The following EGFLAM variants were observed in gnomAD, a reference collection of about 807,000 sequenced individuals.
The protein encoded by EGFLAM is EGF like, fibronectin type III and laminin G domains.
A neutral mutation model predicts 113.1 loss-of-function variants in EGFLAM; 79 were observed. That is an observed-to-expected ratio of 0.70 (90% confidence interval 0.58 to 0.84). EGFLAM has a LOEUF of 0.84. EGFLAM is among the 40% of genes least tolerant of loss of function. The pLI is 0.00. For missense variants in EGFLAM, 1,265 were observed against 1,291.6 expected (o/e 0.98, Z 0.32); for synonymous variants, 504 against 487.6 (o/e 1.03, Z -0.44).
chr5:38,431,793 G>T (rs959807840), intron 15 of EGFLAM, among the ~76,000 whole-genome samples: 1 of 152,086 alleles, frequency 6.6e-6, no homozygotes, highest in Admixed American at 6.5e-5. Flanking sequence ...TTATCAATGG[G>T]GATAATGGTG....
At chr5:38,260,299 T>A (rs1757467557) in intron 1 of EGFLAM, among the ~76,000 whole-genome samples, 1 of 152,254 alleles carries the variant, frequency 6.6e-6, no homozygotes. Flanking sequence ...TCACAATTTT[T>A]AAACAAAGCA....
At chr5:38,345,697 A>C (rs1739456917) in intron 3 of EGFLAM, 1 of 152,206 alleles carries the variant, frequency 6.6e-6, no homozygotes, top group Non-Finnish European at 1.5e-5. Flanking sequence ...AATGAAGTGC[A>C]GGAGAGATAA....
At chr5:38,446,008 G>A (rs574801653) in intron 17 of EGFLAM, among the ~76,000 whole-genome samples, 4 of 152,266 alleles carry the variant, frequency 2.6e-5, no homozygotes, top group Non-Finnish European at 2.9e-5. Context: ...CCACCGCCAC[G>A]GGCCAACAAC....
intron 1 of EGFLAM, among the ~76,000 whole-genome samples, chr5:38,301,423 G>A (rs1434906227): frequency 6.6e-6 from 1 of 152,114 alleles, no homozygotes; most frequent in Non-Finnish European, 1.5e-5. Context: ...AGGTATTTTA[G>A]CAGCATAGTG....
intron 6 of EGFLAM, among the ~76,000 whole-genome samples, chr5:38,389,699 A>G (rs62353641): frequency 6.2e-4 from 95 of 152,010 alleles, no homozygotes; most frequent in Admixed American, 2.3e-3. Context: ...TTTCATTCAT[A>G]TTTTTGTTTC....
In EGFLAM at chr5:38,407,005, G is replaced by A; in HGVS notation, c.1006G>A (p.Val336Met). 6.2e-7 allele frequency: 1 copy of A among 1,614,208 alleles called. No individual in the cohort carries two copies. Among genetic ancestry groups the A allele is most frequent in the Non-Finnish European group, 8.5e-7 (1 of 1,180,042 alleles). ...IPIQRKGKNG[V>M]AIMSRLFDMP... ...CATACAGAGAAAGGGGAAGAATGGTGTGGCCATAATGTCAAGGCTCTTTGA... is the reference window on the plus strand; with the variant it reads ...CATACAGAGAAAGGGGAAGAATGGTATGGCCATAATGTCAAGGCTCTTTGA... The change falls in exon 8 of 22, where the codon GTG becomes ATG. Residue 336 changes from valine (V) to methionine (M), a missense_variant. Coordinates refer to ENST00000322350, the MANE Select transcript of EGFLAM (RefSeq NM_152403.4).
intron 6 of EGFLAM, among the ~76,000 whole-genome samples, chr5:38,394,083 A>G (rs1740888745): frequency 6.6e-6 from 1 of 151,860 alleles, no homozygotes; most frequent in South Asian, 2.1e-4. Context: ...CTATCTATCC[A>G]TCTATTTGTA....
At chr5:38,384,508 T>G (rs1352102666) in intron 6 of EGFLAM, among the ~76,000 whole-genome samples, 1 of 152,158 alleles carries the variant, frequency 6.6e-6, no homozygotes, top group East Asian at 1.9e-4. Context: ...CTGAGCTATT[T>G]CCTTATATAA....
chr5:38,431,317 G>T, intron 15 of EGFLAM, 29 bp downstream of exon 15: 3 of 1,604,146 alleles, frequency 1.9e-6, no homozygotes, highest in Non-Finnish European at 2.6e-6. Context: ...TTCTCTTGAT[G>T]GTTAGTGTGA....
At chr5:38,371,139 T>G (rs1246537330) in intron 6 of EGFLAM, among the ~76,000 whole-genome samples, 2 of 152,190 alleles carry the variant, frequency 1.3e-5, no homozygotes, top group Non-Finnish European at 2.9e-5. Context: ...ATTTTAGACG[T>G]TTTTTGTATT....
chr5:38,376,711 A>G (rs1239319526), intron 6 of EGFLAM, among the ~76,000 whole-genome samples: 1 of 152,138 alleles, frequency 6.6e-6, no homozygotes, highest in East Asian at 1.9e-4. Context: ...TTCTTGAGAC[A>G]GGGTCTTGGA....
At chr5:38,417,412 A>G (rs1387947418) in intron 11 of EGFLAM, among the ~76,000 whole-genome samples, 1 of 151,656 alleles carries the variant, frequency 6.6e-6, no homozygotes, top group African/African-American at 2.4e-5. Context: ...GTCCCATCTA[A>G]TCTTCAGCTC....
chr5:38,325,024 C>A (rs1738841401), intron 1 of EGFLAM, among the ~76,000 whole-genome samples: 1 of 152,172 alleles, frequency 6.6e-6, no homozygotes, highest in Non-Finnish European at 1.5e-5. Flanking sequence ...CCTGGGTCCA[C>A]CTGGCAGTTG....
intron 1 of EGFLAM, among the ~76,000 whole-genome samples, chr5:38,290,072 G>C (rs952587938): frequency 6.6e-6 from 1 of 152,172 alleles, no homozygotes; most frequent in Non-Finnish European, 1.5e-5. Flanking sequence ...GAGTGTCTTA[G>C]TTTGGATTTT....
chr5:38,360,819 ATTATTTATTTAT>A lies in EGFLAM; in HGVS notation c.545+8523_545+8534del, dbSNP rs141116123. On this transcript the variant is annotated intron_variant, in intron 5 of 21. Transcript: ENST00000322350. ...TTCCTGGCTACAAGTGTGTTTTGAA[ATTATTTATTTAT>A]TTATTTATTTATTTATTTATTTATT... is the stretch of plus-strand genomic sequence containing the variant. Among the ~76,000 whole-genome samples, 348 of 141,884 alleles carry A rather than the reference ATTATTTATTTAT, an allele frequency of 2.5e-3. 4 individuals are homozygous for A. The South Asian group carries it at 0.027, about 11-fold the overall frequency. 93.1% of individuals were successfully genotyped at this position (141,884 alleles called of 152,430 possible).
At chr5:38,460,590 A>G (rs189228947) in intron 20 of EGFLAM, among the ~76,000 whole-genome samples, 2 of 152,320 alleles carry the variant, frequency 1.3e-5, no homozygotes, top group African/African-American at 2.4e-5. Flanking sequence ...TCCTGTTGGC[A>G]TCATGGATAC....
intron 6 of EGFLAM, among the ~76,000 whole-genome samples, chr5:38,375,060 GTT>G (rs74821426): frequency 0.13 from 13,633 of 107,638 alleles, 670 homozygotes; most frequent in Middle Eastern, 0.2. Context: ...CTCTGTTGTT[GTT>G]TTTTTTTTTT....
Position 38,417,935 on chromosome 5 carries a change from A to T in EGFLAM, c.1495-131A>T, listed in dbSNP as rs988909127. The stretch of plus-strand genomic sequence containing the variant: ...TTTCCAGTAAGGCAAGGTCTTAAAG[A>T]TAAATACAGATGGAAGAAAATGCTG... On this transcript the variant is annotated intron_variant, in intron 11 of 21. Coordinates refer to ENST00000322350, the MANE Select transcript of EGFLAM (RefSeq NM_152403.4). 4 of 939,288 alleles carry T rather than the reference A, an allele frequency of 4.3e-6. No individual in the cohort carries two copies. The African/African-American group carries it at 6.6e-5, about 16-fold the overall frequency. 58.2% of individuals were successfully genotyped at this position (939,288 alleles called of 1,614,324 possible).
In EGFLAM at chr5:38,409,244, A is replaced by G. The variant is rs1021032317; in HGVS notation, c.1349+140A>G. The G allele has an allele frequency of 1.1e-5, 8 of 716,618 alleles. No individual in the cohort carries two copies. In the Admixed American group the frequency reaches 1.9e-4, roughly 17 times the overall value. The allele number at this position is 716,618 out of a possible 1,614,324, so 44.4% of individuals were successfully genotyped here. ...GGTTTGTATAAAATGAGTATGAACC[A>G]GTTTACCAAATACTGGTGTACTGGG... On this transcript the variant is annotated intron_variant, in intron 10 of 21. Coordinates refer to ENST00000322350, the MANE Select transcript of EGFLAM (RefSeq NM_152403.4).
Sources: allele counts gnomAD v4.1 joint callset (sites outside exome capture counted in the v4.1 genomes callset), GRCh38; gene constraint gnomAD v4.1.1; transcripts MANE v1.5; gene names NCBI Gene and HGNC (gene_info 2026-07-23, HGNC 2026-07-21).